The following TOMM34 variants were observed in gnomAD, a reference collection of about 807,000 sequenced individuals.
The protein encoded by TOMM34 is translocase of outer mitochondrial membrane 34, also known as mitochondrial import receptor subunit TOM34.
In TOMM34, 24 loss-of-function variants were observed where a neutral mutation model predicts 37.4. The ratio of observed to expected loss-of-function variants is 0.64; its 90% CI spans 0.46 to 0.90. The LOEUF (loss-of-function observed/expected upper bound fraction) is 0.90. Among genes scored for constraint, TOMM34 ranks in the 40% least tolerant of loss-of-function variants. TOMM34 has a pLI of 0.00. For synonymous variants in TOMM34, 154 were observed against 148.9 expected (o/e 1.03, Z -0.25); for missense variants, 304 against 375.6 (o/e 0.81, Z 1.58).
intron 3 of TOMM34, chr20:44,952,810 C>T (rs1228057259): frequency 1.6e-6 from 1 of 643,550 alleles, no homozygotes; most frequent in African/African-American, 1.8e-5. Flanking sequence ...TCCTATATTA[C>T]AAGAATAAAA....
At chr20:44,955,368 G>A in intron 2 of TOMM34, 148 bp from the exon 3 acceptor site, 1 of 975,044 alleles carries the variant, frequency 1.0e-6, no homozygotes. Flanking sequence ...CCAAACCTCA[G>A]AACAGGGATT....
At chr20:44,952,094 G>C in intron 3 of TOMM34, 92 bp from the exon 4 acceptor site, 1 of 1,456,836 alleles carries the variant, frequency 6.9e-7, no homozygotes, top group East Asian at 2.4e-5. Flanking sequence ...GGCCTTTTCA[G>C]AAGAGCCAGA....
chr20:44,946,843 C>A (rs1268997358), intron 5 of TOMM34, among the ~76,000 whole-genome samples: 1 of 152,180 alleles, frequency 6.6e-6, no homozygotes, highest in African/African-American at 2.4e-5. Flanking sequence ...GCAATCACAA[C>A]CAAAAGCTGT....
intron 5 of TOMM34, among the ~76,000 whole-genome samples, chr20:44,943,809 C>A (rs2066957171): frequency 6.6e-6 from 1 of 152,070 alleles, no homozygotes; most frequent in African/African-American, 2.4e-5. Flanking sequence ...AGGGGCAGAC[C>A]CAGGATTCAA....
At position 44,956,495 on chromosome 20, in the gene TOMM34, T is replaced by TA; in HGVS notation, c.128-11dup. 1 of 1,613,954 alleles carries TA rather than the reference T, an allele frequency of 6.2e-7. No homozygotes were observed. Among genetic ancestry groups the TA allele is most frequent in the Non-Finnish European group, 8.5e-7 (1 of 1,179,924 alleles). On this transcript the variant is annotated splice_polypyrimidine_tract_variant and intron_variant, in intron 1 of 6. Coordinates refer to ENST00000372813, the MANE Select transcript of TOMM34 (RefSeq NM_006809.5). ...TCTGGGTCTGAAGAACCTGCCCAGA[T>TA]AGAGTGGGGAAGATGATCAGTTTGG... is the stretch of plus-strand genomic sequence containing the variant.
rs1221222675 is a variant in TOMM34 at position 44,960,169 on chromosome 20, G to A, written c.127+38C>T. 5.2e-6 allele frequency: 8 copies of A among 1,538,222 alleles called. 1 individual carries two copies. The South Asian group carries it at 8.5e-5, about 16-fold the overall frequency. ...CGGGCGGTGGTTGCGGGAGTTGGAG[G>A]AGCAGGCCCGGAGGTGAGATGGGGG... On this transcript the variant is annotated intron_variant, in intron 1 of 6. Transcript: ENST00000372813.
intron 1 of TOMM34, chr20:44,958,550 T>C (rs1471099932): frequency 9.0e-6 from 3 of 332,028 alleles, no homozygotes; most frequent in African/African-American, 2.1e-5. Context: ...TATCACTTCA[T>C]AGACTTGCTG....
chr20:44,947,242 AATAAAACCAC>A (rs768158374), intron 5 of TOMM34, among the ~76,000 whole-genome samples: 1 of 152,210 alleles, frequency 6.6e-6, no homozygotes, highest in Non-Finnish European at 1.5e-5. Context: ...TCCAATCAGC[AATAAAACCAC>A]ATAAAACCAC....
chr20:44,955,163 A>G lies in TOMM34; in HGVS notation c.285T>C (p.Tyr95=). The change falls in exon 3 of 7, where the codon TAT becomes TAC. Residue 95 remains tyrosine (Y), a synonymous_variant. Transcript: ENST00000372813. ...IKPLLRRASA[Y]EALEKYPMAY... is the part of the protein sequence containing the mutation. Reference sequence around the variant, plus strand: ...CCATAGGGTACTTCTCCAGAGCCTCATAAGCAGATGCTCGCCGCAGCAGGG... The same window carrying G: ...CCATAGGGTACTTCTCCAGAGCCTCGTAAGCAGATGCTCGCCGCAGCAGGG... The G allele has an allele frequency of 1.9e-6, 3 of 1,614,226 alleles. No homozygotes were observed. The highest frequency in any genetic ancestry group is 2.2e-5 in the South Asian group (2 of 91,090).
At chr20:44,948,607 G>A in intron 5 of TOMM34, 123 bp downstream of exon 5, 1 of 1,221,856 alleles carries the variant, frequency 8.2e-7, no homozygotes, top group Non-Finnish European at 1.1e-6. Flanking sequence ...CAACGTGGAT[G>A]CATGTTTTCA....
At chr20:44,952,660 CACCCAGAG>C (rs780543519) in intron 3 of TOMM34, 3 of 717,364 alleles carry the variant, frequency 4.2e-6, no homozygotes, top group Non-Finnish European at 7.8e-6. Flanking sequence ...CTTAAAATGC[CACCCAGAG>C]ACCAAGTTCA....
chr20:44,954,517 C>T (rs899535907), intron 3 of TOMM34, among the ~76,000 whole-genome samples: 2 of 152,208 alleles, frequency 1.3e-5, no homozygotes, highest in African/African-American at 4.8e-5. Context: ...TAGCCGCACA[C>T]GCAGAGGGGA....
At chr20:44,960,015 G>A (rs2067111251) in intron 1 of TOMM34, 192 bp downstream of exon 1, 1 of 985,212 alleles carries the variant, frequency 1.0e-6, no homozygotes, top group Non-Finnish European at 1.2e-6. Flanking sequence ...ACTTAGGATG[G>A]GGGCCAACAG....
At position 44,942,579 on chromosome 20, in the gene TOMM34, G is replaced by A; in HGVS notation, c.*530C>T. On this transcript the variant is annotated 3_prime_UTR_variant, in exon 7 of 7. Transcript: ENST00000372813. ...GGCTCAGACATAGGAGACTGTGCAAGGACAGGACAGGGCAGGGACAGCAGC... is the reference window on the plus strand; with the variant it reads ...GGCTCAGACATAGGAGACTGTGCAAAGACAGGACAGGGCAGGGACAGCAGC... 6.2e-6 allele frequency: 1 copy of A among 161,692 alleles called. No homozygotes were observed. The highest frequency in any genetic ancestry group is 1.4e-5 in the Non-Finnish European group (1 of 73,600). The allele number at this position is 161,692 out of a possible 1,614,324, so 10.0% of individuals were successfully genotyped here.
chr20:44,944,713 A>T (rs1336119771), intron 5 of TOMM34, among the ~76,000 whole-genome samples: 1 of 152,212 alleles, frequency 6.6e-6, no homozygotes, highest in Non-Finnish European at 1.5e-5. Flanking sequence ...AAAAAGAAAT[A>T]AAATCTGATT....
chr20:44,943,230 C>T lies in TOMM34; in HGVS notation c.826-17G>A, dbSNP rs771293188. 4 of 1,613,704 alleles carry T rather than the reference C, an allele frequency of 2.5e-6. No individual in the cohort carries two copies. Among genetic ancestry groups the T allele is most frequent in the Non-Finnish European group, 3.4e-6 (4 of 1,179,740 alleles). On this transcript the variant is annotated splice_polypyrimidine_tract_variant and intron_variant, in intron 6 of 6. Transcript: ENST00000372813. ...TTTATAGTCCTAATAGAAGAAAAGA[C>T]AGGAGTGTGGGGGAAGGTTCCCGGA...
Position 44,960,279 on chromosome 20 carries a change from T to C in TOMM34, c.55A>G (p.Ser19Gly), listed in dbSNP as rs374740712. 10 of 1,581,514 alleles carry C rather than the reference T, an allele frequency of 6.3e-6. No individual in the cohort carries two copies. The highest frequency in any genetic ancestry group is 8.6e-6 in the Non-Finnish European group (10 of 1,164,654). Residue 19 changes from serine (S) to glycine (G), a missense_variant, in exon 1 of 7, where the codon AGT (serine) becomes GGT (glycine). By Grantham distance (56) the Ser-to-Gly change is moderately conservative (BLOSUM62 0). Coordinates refer to ENST00000372813, the MANE Select transcript of TOMM34 (RefSeq NM_006809.5). ...TCGGCGTACTGGCCGTTGCGGAAACTCTCATTGCCGGCGGCGCGGAGCTCC... is the reference window on the plus strand; with the variant it reads ...TCGGCGTACTGGCCGTTGCGGAAACCCTCATTGCCGGCGGCGCGGAGCTCC... ...VEELRAAGNE[S>G]FRNGQYAEAS...
chr20:44,949,033 C>T (rs760465058), intron 4 of TOMM34, among the ~76,000 whole-genome samples, 156 bp from the exon 5 acceptor site: 22 of 152,204 alleles, frequency 1.4e-4, no homozygotes, highest in Non-Finnish European at 3.2e-4. Context: ...TTAATGACTT[C>T]CCCCAATTAA....
intron 5 of TOMM34, among the ~76,000 whole-genome samples, chr20:44,947,745 C>G (rs1294667654): frequency 6.6e-6 from 1 of 152,142 alleles, no homozygotes; most frequent in African/African-American, 2.4e-5. Context: ...AGTGATCCTC[C>G]CGGAGCCTCA....
Sources: allele counts gnomAD v4.1 joint callset (sites outside exome capture counted in the v4.1 genomes callset), GRCh38; gene constraint gnomAD v4.1.1; transcripts MANE v1.5; gene names NCBI Gene and HGNC (gene_info 2026-07-23, HGNC 2026-07-21).